DISP3: variants seen among roughly 807,000 people sequenced by gnomAD.
DISP3 encodes the protein protein dispatched homolog 3.
DISP3 carries 101 observed loss-of-function variants against 135.3 expected under a neutral mutation model. That is an observed-to-expected ratio of 0.75 (90% confidence interval 0.64 to 0.88). DISP3 has a LOEUF of 0.88. DISP3 is among the 40% of genes least tolerant of loss of function. DISP3 has a pLI of 0.00. For synonymous variants in DISP3, 856 were observed against 817.0 expected, an observed-to-expected ratio of 1.05 and a Z score of -0.81; for missense variants, 1,713 against 1,878.6, an observed-to-expected ratio of 0.91 and a Z score of 1.63.
At chr1:11,530,713 A>G (rs1642553918) in intron 15 of DISP3, among the ~76,000 whole-genome samples, 194 bp from the exon 16 acceptor site, 1 of 151,404 alleles carries the variant, frequency 6.6e-6, no homozygotes. Flanking sequence ...CAGTGATGGG[A>G]GCAGATGTTG....
chr1:11,531,148 C>A lies in DISP3; in HGVS notation c.3229+115C>A. On this transcript the variant is annotated intron_variant, in intron 16 of 20. Transcript: ENST00000294484. The surrounding 1 kb of genome is among the most constrained non-coding windows in gnomAD (Gnocchi z 5.2). ...AGGACAGTGTCTGGCATGTGGGGGT[C>A]TTTTGCAGATGTGTATCTGTGCTGA... The A allele has an allele frequency of 6.7e-7, 1 of 1,489,822 alleles. No individual in the cohort carries two copies. Among genetic ancestry groups the A allele is most frequent in the Non-Finnish European group, 9.1e-7 (1 of 1,102,514 alleles). 92.3% of individuals were successfully genotyped at this position (1,489,822 alleles called of 1,614,324 possible). A position where few individuals can be genotyped will look rare whatever the true frequency, so the allele number is the denominator to read the frequency against.
chr1:11,496,272 G>A (rs981781482), intron 1 of DISP3, among the ~76,000 whole-genome samples: 3 of 152,176 alleles, frequency 2.0e-5, no homozygotes, highest in African/African-American at 7.2e-5. Flanking sequence ...GAGGAGGATG[G>A]TTGGTTTCGT....
chr1:11,522,958 GA>G (rs1642288073), intron 10 of DISP3, among the ~76,000 whole-genome samples: 2 of 130,286 alleles, frequency 1.5e-5, no homozygotes, highest in Non-Finnish European at 3.2e-5. Flanking sequence ...GCCCAACCAG[GA>G]CCCAGCCAGG....
At chr1:11,498,125 A>T (rs1010648254) in intron 1 of DISP3, among the ~76,000 whole-genome samples, 1 of 152,236 alleles carries the variant, frequency 6.6e-6, no homozygotes, top group Non-Finnish European at 1.5e-5. Context: ...ATACAGAACA[A>T]GGCTTCACTG....
Position 11,537,048 on chromosome 1 carries a change from G to A in DISP3, c.*362G>A, listed in dbSNP as rs926848685. 8.6e-6 allele frequency: 2 copies of A among 232,678 alleles called. No individual in the cohort carries two copies. Among genetic ancestry groups the A allele is most frequent in the Non-Finnish European group, 1.7e-5 (2 of 119,256 alleles). 14.4% of individuals were successfully genotyped at this position (232,678 alleles called of 1,614,324 possible). Reference sequence around the variant, plus strand: ...ACAACCTTCCAGTGTGGATGTTACAGGGTGGCCCCCATTCTACCGATGTGA... The same window carrying A: ...ACAACCTTCCAGTGTGGATGTTACAAGGTGGCCCCCATTCTACCGATGTGA... On this transcript the variant is annotated 3_prime_UTR_variant, in exon 21 of 21. Transcript: ENST00000294484.
chr1:11,530,102 T>G, intron 15 of DISP3, 143 bp downstream of exon 15: 4 of 1,131,496 alleles, frequency 3.5e-6, no homozygotes, highest in Non-Finnish European at 4.9e-6. Flanking sequence ...AGAACCCCTA[T>G]GGGCCCCTGG....
rs1179337488 is a variant in DISP3, at chr1:11,483,198, G to A, written c.-4+3826G>A. Among the ~76,000 whole-genome samples the A allele has an allele frequency of 6.6e-6, 1 of 152,250 alleles. No homozygotes were observed. The highest frequency in any genetic ancestry group is 2.4e-5 in the African/African-American group (1 of 41,470). ...ACTCTGCACCAGCTGGAAGGTACAC[G>A]GGCGGGAGGATTGAGAGGAATATGT... On this transcript the variant is annotated intron_variant, in intron 1 of 20. Transcript: ENST00000294484. The surrounding 1 kb of genome is among the most constrained non-coding windows in gnomAD (Gnocchi z 5.4).
intron 1 of DISP3, among the ~76,000 whole-genome samples, chr1:11,495,828 C>T (rs1461260148): frequency 6.6e-6 from 1 of 152,200 alleles, no homozygotes; most frequent in African/African-American, 2.4e-5. Context: ...CAACCTAAGC[C>T]AACTCTCCTT....
chr1:11,523,623 G>A (rs1570133687), intron 10 of DISP3, among the ~76,000 whole-genome samples: 2 of 143,920 alleles, frequency 1.4e-5, no homozygotes, highest in African/African-American at 2.6e-5. Context: ...CACAGAGACG[G>A]CGAGCAGGGG....
intron 20 of DISP3, 57 bp downstream of exon 20, chr1:11,535,701 G>C (rs1011784924): frequency 5.8e-6 from 9 of 1,562,098 alleles, no homozygotes; most frequent in East Asian, 2.3e-5. Context: ...CTCCCACCTG[G>C]GTGCAGCTGA....
At position 11,516,131 on chromosome 1, in the gene DISP3, C is replaced by T. The variant is rs774301417; in HGVS notation, c.1719C>T (p.Ala573=). 1.3e-5 allele frequency: 21 copies of T among 1,614,020 alleles called. No homozygotes were observed. The highest frequency in any genetic ancestry group is 1.2e-4 in the Admixed American group (7 of 60,002). ...CCTTCTTCACCTCCCTGACCACAGC[C>T]GCCGCCTACGCAGCTAACGTCTTCT... ...KATFFTSLTT[A]AAYAANVFSQ... is the part of the protein sequence containing the mutation. The change falls in exon 6 of 21, where the codon GCC becomes GCT. Residue 573 remains alanine, a synonymous_variant. Coordinates refer to ENST00000294484, the MANE Select transcript of DISP3 (RefSeq NM_020780.2). This position sits in a 1 kb window ranked among gnomAD's most constrained non-coding sequence, Gnocchi z 5.1.
At chr1:11,509,462 AT>A (rs1442414210) in intron 3 of DISP3, among the ~76,000 whole-genome samples, 2 of 152,190 alleles carry the variant, frequency 1.3e-5, no homozygotes, top group Middle Eastern at 3.4e-3. Context: ...TTTCTGTCTA[AT>A]TTTTCTAGCA....
intron 17 of DISP3, chr1:11,533,575 C>T: frequency 3.6e-6 from 2 of 562,292 alleles, no homozygotes; most frequent in Non-Finnish European, 6.4e-6. Context: ...GCTCATTTTA[C>T]TCAGTGCAAG....
Position 11,501,659 on chromosome 1 carries a change from A to C in DISP3, c.667A>C (p.Asn223His). The change falls in exon 2 of 21, where the codon AAC becomes CAC. Residue 223 changes from asparagine (N) to histidine (H), a missense_variant. By Grantham distance (68) the Asn-to-His change is moderately conservative. Transcript: ENST00000294484. The surrounding 1 kb of genome is among the most constrained non-coding windows in gnomAD (Gnocchi z 4.9). ...AGCCAACCAGAGTGAAGACCCGCGA[A>C]ACCAGCGGCTGAGCAAGAATGGGCG... ...LAANQSEDPR[N>H]QRLSKNGRYQ... 1 of 1,608,914 alleles carries C rather than the reference A, an allele frequency of 6.2e-7. No individual in the cohort carries two copies.
chr1:11,498,444 C>A (rs551383820), intron 1 of DISP3, among the ~76,000 whole-genome samples: 69 of 152,178 alleles, frequency 4.5e-4, no homozygotes, highest in Non-Finnish European at 8.4e-4. Context: ...TGGACATTCT[C>A]GTAACACAGT....
At chr1:11,502,168 C>CCAGGCG in intron 2 of DISP3, 80 bp downstream of exon 2, 1 of 1,470,912 alleles carries the variant, frequency 6.8e-7, no homozygotes, top group Non-Finnish European at 9.0e-7. Flanking sequence ...CAGGCCAGGC[C>CCAGGCG]CAGGCCCAGG....
rs771196912 is a variant in DISP3 at position 11,519,486 on chromosome 1, A to T, written c.2021A>T (p.Glu674Val). Residue 674 changes from glutamate (E) to valine (V), a missense_variant, in exon 8 of 21, where the codon GAG becomes GTG. Glu to Val is a moderately radical substitution (Grantham distance 121). Around this residue, in one of 2 missense-constraint regions of DISP3, gnomAD observed 1,142 missense variants for 1,384.6 expected, o/e 0.82. Transcript: ENST00000294484. The surrounding 1 kb of genome is among the most constrained non-coding windows in gnomAD (Gnocchi z 4.3). ...CTGGATGATGACATCCCCTTGCTGGAGGTCGAGGAAGAGCCAGGTGAGAGC... is the reference window on the plus strand; with the variant it reads ...CTGGATGATGACATCCCCTTGCTGGTGGTCGAGGAAGAGCCAGGTGAGAGC... ...PYLDDDIPLLEVEEEPVSLEL... is the reference protein window; with the variant it reads ...PYLDDDIPLLVVEEEPVSLEL... The T allele has an allele frequency of 6.8e-6, 11 of 1,613,418 alleles. No individual in the cohort carries two copies. Among genetic ancestry groups the T allele is most frequent in the African/African-American group, 5.3e-5 (4 of 74,924 alleles).
Position 11,516,289 on chromosome 1 carries a change from C to G in DISP3, c.1749+128C>G, listed in dbSNP as rs1022399525. 8.8e-6 allele frequency: 10 copies of G among 1,137,594 alleles called. No individual in the cohort carries two copies. Among genetic ancestry groups the G allele is most frequent in the African/African-American group, 1.6e-5 (1 of 64,026 alleles). The allele number at this position is 1,137,594 out of a possible 1,614,324, so 70.5% of individuals were successfully genotyped here. On this transcript the variant is annotated intron_variant, in intron 6 of 20. Transcript: ENST00000294484. The surrounding 1 kb of genome is among the most constrained non-coding windows in gnomAD (Gnocchi z 5.1). Reference sequence around the variant, plus strand: ...CTTCACCTCAAGGTACTTGCCCTGGCTCTAGAGTTCATTTTTGTCACGAAT... The same window carrying G: ...CTTCACCTCAAGGTACTTGCCCTGGGTCTAGAGTTCATTTTTGTCACGAAT...
chr1:11,523,570 G>A (rs1642312137), intron 10 of DISP3, among the ~76,000 whole-genome samples: 1 of 145,518 alleles, frequency 6.9e-6, no homozygotes, highest in Non-Finnish European at 1.5e-5. Flanking sequence ...AGGGCGAGCA[G>A]GGGGCAGAGT....
Sources: allele counts gnomAD v4.1 joint callset (sites outside exome capture counted in the v4.1 genomes callset), GRCh38; gene constraint gnomAD v4.1.1; regional missense constraint gnomAD v4.1.1; non-coding constraint Gnocchi (gnomAD v3.1); transcripts MANE v1.5; gene names NCBI Gene and HGNC (gene_info 2026-07-23, HGNC 2026-07-21).